Variants in TCF7L2 observed in about 807,000 individuals in gnomAD.
TCF7L2 encodes transcription factor 7 like 2.
Under a neutral mutation model 77.9 loss-of-function variants are expected in TCF7L2, and 23 were observed. The observed-to-expected ratio is 0.30, with a 90% CI of 0.21 to 0.42. The LOEUF (loss-of-function observed/expected upper bound fraction) is 0.42. Ranked by LOEUF, TCF7L2 falls within the 10% of genes least tolerant of loss-of-function variation. TCF7L2 has a pLI of 1.00. For synonymous variants in TCF7L2, 413 were observed against 340.2 expected (o/e 1.21, Z -2.36); for missense variants, 654 against 793.1 (o/e 0.82, Z 2.11).
At chr10:112,954,904 T>G (rs1290984079) in intron 3 of TCF7L2, among the ~76,000 whole-genome samples, 1 of 152,232 alleles carries the variant, frequency 6.6e-6, no homozygotes, top group Non-Finnish European at 1.5e-5. Flanking sequence ...TTTTTGAACT[T>G]GGAATCCAGC....
chr10:113,009,459 T>C (rs1044020802), intron 4 of TCF7L2, among the ~76,000 whole-genome samples: 1 of 152,210 alleles, frequency 6.6e-6, no homozygotes, highest in African/African-American at 2.4e-5. Context: ...CATGTCCTTT[T>C]GGTGCCTTGT....
intron 5 of TCF7L2, among the ~76,000 whole-genome samples, chr10:113,132,316 C>G (rs559222764): frequency 1.3e-5 from 2 of 152,276 alleles, no homozygotes; most frequent in African/African-American, 2.4e-5. Context: ...GGCTGAGATT[C>G]GAAAGTTAGG....
chr10:113,081,680 T>A (rs972630890), intron 5 of TCF7L2, among the ~76,000 whole-genome samples: 2 of 152,222 alleles, frequency 1.3e-5, no homozygotes, highest in Non-Finnish European at 1.5e-5. Context: ...ATTTTCCACC[T>A]GCTTGAGGTC....
chr10:113,098,049 C>CAAAAA (rs34632183), intron 5 of TCF7L2, among the ~76,000 whole-genome samples: 17 of 59,350 alleles, frequency 2.9e-4, no homozygotes, highest in South Asian at 7.0e-4. Flanking sequence ...GACTCTGTCT[C>CAAAAA]AAAAAAAAAA....
intron 5 of TCF7L2, among the ~76,000 whole-genome samples, chr10:113,063,838 T>G (rs957597485): frequency 6.6e-6 from 1 of 151,710 alleles, no homozygotes; most frequent in Non-Finnish European, 1.5e-5. Context: ...GGGCCAGGCA[T>G]GAGGAAGAGT....
chr10:113,119,151 G>A (rs1038627750), intron 5 of TCF7L2, among the ~76,000 whole-genome samples: 39 of 152,160 alleles, frequency 2.6e-4, no homozygotes, highest in African/African-American at 8.9e-4. Context: ...TAATGGGACC[G>A]CTGCGAATTC....
chr10:113,037,445 A>T (rs751527032), intron 4 of TCF7L2, among the ~76,000 whole-genome samples: 7 of 152,100 alleles, frequency 4.6e-5, no homozygotes, highest in Non-Finnish European at 1.0e-4. Context: ...TCCTCCAACA[A>T]TAATGTTATA....
chr10:113,024,194 A>G (rs1020080866), intron 4 of TCF7L2, among the ~76,000 whole-genome samples: 1 of 152,034 alleles, frequency 6.6e-6, no homozygotes, highest in Non-Finnish European at 1.5e-5. Flanking sequence ...GCTACTCAAG[A>G]AGATGAGGCA....
chr10:112,966,110 G>A (rs1433165253), intron 4 of TCF7L2, among the ~76,000 whole-genome samples: 1 of 150,000 alleles, frequency 6.7e-6, no homozygotes, highest in Non-Finnish European at 1.5e-5. Flanking sequence ...GGGAGGCGGA[G>A]GTTGCGGTGA....
At chr10:112,992,723 C>G (rs1030670738) in intron 4 of TCF7L2, among the ~76,000 whole-genome samples, 3 of 151,980 alleles carry the variant, frequency 2.0e-5, no homozygotes, top group Non-Finnish European at 4.4e-5. Context: ...AGCAGACCCC[C>G]TCTGTGACTC....
Position 113,141,314 on chromosome 10 carries a change from C to T in TCF7L2, c.683C>T (p.Thr228Ile), listed in dbSNP as rs1225418442. 6.2e-7 allele frequency: 1 copy of T among 1,614,146 alleles called. No individual in the cohort carries two copies. The highest frequency in any genetic ancestry group is 1.3e-5 in the African/African-American group (1 of 75,040). Residue 228 changes from threonine (T) to isoleucine (I), a missense_variant and splice_region_variant, in exon 6 of 14, where the codon ACA (threonine) becomes ATA (isoleucine). Physicochemically the swap from Thr to Ile is moderately conservative, Grantham distance 89 (BLOSUM62 -1). Coordinates refer to ENST00000627217, the MANE Select transcript of TCF7L2 (RefSeq NM_001146274.2). ...TTACCAGCCGACGTAGACCCCAAAACAGGTAGGCTGTGGGCTACGGAGCCA... is the reference window on the plus strand; with the variant it reads ...TTACCAGCCGACGTAGACCCCAAAATAGGTAGGCTGTGGGCTACGGAGCCA...
chr10:113,147,784 GT>G (rs2137035389), intron 8 of TCF7L2, among the ~76,000 whole-genome samples: 2 of 152,246 alleles, frequency 1.3e-5, no homozygotes, highest in East Asian at 3.9e-4. Flanking sequence ...TAAAGTAATT[GT>G]AGGATAGGGA....
intron 7 of TCF7L2, 39 bp from the exon 8 acceptor site, chr10:113,145,972 C>CCCCT: frequency 7.4e-7 from 1 of 1,342,580 alleles, no homozygotes; most frequent in Non-Finnish European, 1.1e-6. Flanking sequence ...CACCCCCACC[C>CCCCT]TTGTTTCAAG....
chr10:113,053,578 C>A (rs1223670762), intron 5 of TCF7L2, among the ~76,000 whole-genome samples: 1 of 152,108 alleles, frequency 6.6e-6, no homozygotes, highest in Non-Finnish European at 1.5e-5. Context: ...CTCCCCTGTT[C>A]CTGATTTTTC....
At chr10:113,033,651 T>C (rs1273554274) in intron 4 of TCF7L2, among the ~76,000 whole-genome samples, 1 of 152,230 alleles carries the variant, frequency 6.6e-6, no homozygotes, top group Non-Finnish European at 1.5e-5. Context: ...CATACTTATT[T>C]ATGTTAAACA....
At chr10:113,048,533 T>C (rs2053844656) in intron 5 of TCF7L2, among the ~76,000 whole-genome samples, 1 of 152,210 alleles carries the variant, frequency 6.6e-6, no homozygotes, top group Non-Finnish European at 1.5e-5. Context: ...CAGAACCATC[T>C]TGGTTAGCAC....
At chr10:113,107,891 C>T (rs1179904811) in intron 5 of TCF7L2, among the ~76,000 whole-genome samples, 1 of 151,812 alleles carries the variant, frequency 6.6e-6, no homozygotes, top group Non-Finnish European at 1.5e-5. Flanking sequence ...CTGGCAGGGG[C>T]ACTTAGTAAT....
At chr10:112,952,661 GGGA>G (rs1436228604) in intron 3 of TCF7L2, among the ~76,000 whole-genome samples, 1 of 152,154 alleles carries the variant, frequency 6.6e-6, no homozygotes, top group Non-Finnish European at 1.5e-5. Context: ...CGGGGGCCGA[GGGA>G]GGCTGGGGCG....
At chr10:113,017,955 A>C (rs1253258883) in intron 4 of TCF7L2, among the ~76,000 whole-genome samples, 1 of 152,154 alleles carries the variant, frequency 6.6e-6, no homozygotes, top group Non-Finnish European at 1.5e-5. Context: ...AAATAAACTT[A>C]GTGTATTAAA....
Sources: gnomAD v4.1 joint callset for allele counts (sites outside exome capture counted in the v4.1 genomes callset) on GRCh38, gnomAD v4.1.1 for gene constraint, MANE v1.5 for transcripts, NCBI Gene and HGNC (gene_info 2026-07-23, HGNC 2026-07-21) for gene names.